The following B3GAT1 variants were observed in gnomAD, a reference collection of about 807,000 sequenced individuals.
B3GAT1 encodes the protein beta-1,3-glucuronyltransferase 1.
B3GAT1 carries 11 observed loss-of-function variants against 28.4 expected under a neutral mutation model. That is an observed-to-expected ratio of 0.39 (90% CI 0.24 to 0.64). The LOEUF is 0.64. Among genes scored for constraint, B3GAT1 ranks in the 30% least tolerant of loss-of-function variants. B3GAT1 has a pLI of 0.50. For missense variants in B3GAT1, 375 were observed against 491.0 expected (o/e 0.76, Z 2.23); for synonymous variants, 255 against 223.1 (o/e 1.14, Z -1.27).
At position 134,411,343 on chromosome 11, in the gene B3GAT1, G is replaced by A. The variant is rs1049693352; in HGVS notation, c.-282+464C>T. Among the ~76,000 whole-genome samples the A allele has an allele frequency of 6.6e-6, 1 of 152,052 alleles. No homozygotes were observed. Among genetic ancestry groups the A allele is most frequent in the African/African-American group, 2.4e-5 (1 of 41,392 alleles). ...CCTCAGCGCGCCCCGCAGAGCTCGG[G>A]CCCCCTCAAGAGAGTTAACTTGGCA... On this transcript the variant is annotated intron_variant, in intron 1 of 5. Transcript: ENST00000312527. The surrounding 1 kb of genome is among the most constrained non-coding windows in gnomAD (Gnocchi z 6.0).
At chr11:134,396,960 C>G (rs1461539390) in intron 1 of B3GAT1, among the ~76,000 whole-genome samples, 2 of 152,218 alleles carry the variant, frequency 1.3e-5, no homozygotes, top group Non-Finnish European at 2.9e-5. Flanking sequence ...TGCTACACCT[C>G]TTGTTGTCTG....
intron 1 of B3GAT1, chr11:134,389,922 G>A (rs183748887): frequency 2.0e-5 from 3 of 152,028 alleles, no homozygotes; most frequent in Admixed American, 2.0e-4. Flanking sequence ...GTGGTTTCCC[G>A]GGACGGCCGG....
intron 1 of B3GAT1, among the ~76,000 whole-genome samples, chr11:134,401,298 T>C (rs1019255714): frequency 6.6e-5 from 10 of 152,244 alleles, no homozygotes; most frequent in African/African-American, 2.4e-4. Flanking sequence ...ATCGCAGCAC[T>C]ATTCATAACA....
At position 134,411,670 on chromosome 11, in the gene B3GAT1, GCA is replaced by G. The variant is rs149891710; in HGVS notation, c.-282+135_-282+136del. 0.64 allele frequency: 93,141 copies of G among 144,532 alleles called. 31,086 individuals carry two copies. Among genetic ancestry groups the G allele is most frequent in the East Asian group, 0.76 (3,505 of 4,632 alleles). The allele number at this position is 144,532 out of a possible 1,614,324, so 9.0% of individuals were successfully genotyped here. A position where few individuals can be genotyped will look rare whatever the true frequency, so the allele number is the denominator to read the frequency against. On this transcript the variant is annotated intron_variant, in intron 1 of 5. Coordinates refer to ENST00000312527, the MANE Select transcript of B3GAT1 (RefSeq NM_054025.3). The surrounding 1 kb of genome is among the most constrained non-coding windows in gnomAD (Gnocchi z 6.0). Reference sequence around the variant, plus strand: ...TCCAGCTGCCCCCAGCGCGCGCAGCGCACACACACACACACACACACACACAC... The same window carrying G: ...TCCAGCTGCCCCCAGCGCGCGCAGCGCACACACACACACACACACACACAC...
At chr11:134,405,586 C>T (rs1001999650) in intron 1 of B3GAT1, among the ~76,000 whole-genome samples, 1 of 152,090 alleles carries the variant, frequency 6.6e-6, no homozygotes, top group African/African-American at 2.4e-5. Flanking sequence ...AGGTGAGGGG[C>T]CCTGGGAGTC....
intron 4 of B3GAT1, 121 bp downstream of exon 4, chr11:134,382,589 A>AG (rs1345232409): frequency 8.2e-7 from 1 of 1,212,984 alleles, no homozygotes; most frequent in Non-Finnish European, 1.1e-6. Context: ...CCTTCCTGGG[A>AG]GGGGGTTCCA....
At chr11:134,405,584 G>A (rs1944716241) in intron 1 of B3GAT1, among the ~76,000 whole-genome samples, 1 of 152,094 alleles carries the variant, frequency 6.6e-6, no homozygotes, top group African/African-American at 2.4e-5. Flanking sequence ...GGAGGTGAGG[G>A]GCCCTGGGAG....
chr11:134,397,794 C>A (rs902339363), intron 1 of B3GAT1, among the ~76,000 whole-genome samples: 2 of 152,240 alleles, frequency 1.3e-5, no homozygotes, highest in African/African-American at 4.8e-5. Flanking sequence ...CCATGCCCTG[C>A]CTGCTCCTCT....
chr11:134,397,938 C>T (rs144531187), intron 1 of B3GAT1, among the ~76,000 whole-genome samples: 112 of 152,312 alleles, frequency 7.4e-4, no homozygotes, highest in African/African-American at 2.5e-3. Context: ...CCAGCACTCT[C>T]TTGAGGCTGA....
chr11:134,402,410 C>T (rs1944635242), intron 1 of B3GAT1, among the ~76,000 whole-genome samples: 1 of 152,084 alleles, frequency 6.6e-6, no homozygotes, highest in Admixed American at 6.5e-5. Flanking sequence ...GTCCATGGGG[C>T]TCTAGGGCCA....
intron 1 of B3GAT1, among the ~76,000 whole-genome samples, chr11:134,401,980 C>CG (rs68036637): frequency 2.3e-4 from 12 of 51,492 alleles, no homozygotes; most frequent in African/African-American, 6.4e-4. Flanking sequence ...CGGGGGGGGG[C>CG]GGGCAGCCTG....
At chr11:134,385,996 T>C (rs556736689) in intron 2 of B3GAT1, 73 of 152,328 alleles carry the variant, frequency 4.8e-4, no homozygotes, top group African/African-American at 1.5e-3. Context: ...TGTCGCTTTA[T>C]ATATAGTAGT....
Position 134,387,816 on chromosome 11 carries a change from G to C in B3GAT1, c.-157C>G. 6.5e-7 allele frequency: 1 copy of C among 1,534,700 alleles called. No individual in the cohort carries two copies. Among genetic ancestry groups the C allele is most frequent in the Non-Finnish European group, 8.7e-7 (1 of 1,145,588 alleles). On this transcript the variant is annotated 5_prime_UTR_variant, in exon 2 of 6. Coordinates refer to ENST00000312527, the MANE Select transcript of B3GAT1 (RefSeq NM_054025.3). ...GGACAGAGCAGCTGAATGTTGGCTAGCAGGTCTTACCAGCACTCACAACCC... is the reference window on the plus strand; with the variant it reads ...GGACAGAGCAGCTGAATGTTGGCTACCAGGTCTTACCAGCACTCACAACCC...
In B3GAT1 at chr11:134,383,715, C is replaced by T; in HGVS notation, c.586G>A (p.Asp196Asn). 1.9e-6 allele frequency: 3 copies of T among 1,590,540 alleles called. No individual in the cohort carries two copies. Among genetic ancestry groups the T allele is most frequent in the Non-Finnish European group, 2.6e-6 (3 of 1,164,764 alleles). Reference protein sequence around the residue: ...SQPGVVYFADDDNTYSLELFE... With the variant: ...SQPGVVYFADNDNTYSLELFE... Reference sequence around the variant, plus strand: ...AGCTCCAGGCTGTAGGTGTTGTCGTCGTCGGCGAAGTAGACCACGCCAGGC... The same window carrying T: ...AGCTCCAGGCTGTAGGTGTTGTCGTTGTCGGCGAAGTAGACCACGCCAGGC... Residue 196 changes from aspartate (D) to asparagine (N), a missense_variant, in exon 3 of 6, where the codon GAC becomes AAC. Transcript: ENST00000312527.
intron 1 of B3GAT1, among the ~76,000 whole-genome samples, chr11:134,407,496 G>A (rs1299705936): frequency 6.6e-6 from 1 of 152,222 alleles, no homozygotes; most frequent in Non-Finnish European, 1.5e-5. Context: ...TCAGAAGACT[G>A]AGCCGTGGAA....
At position 134,410,176 on chromosome 11, in the gene B3GAT1, G is replaced by T. The variant is rs113060998; in HGVS notation, c.-282+1631C>A. 5.8e-3 allele frequency among the ~76,000 whole-genome samples: 884 copies of T among 152,326 alleles called. 9 individuals carry two copies. Among genetic ancestry groups the T allele is most frequent in the African/African-American group, 0.02 (841 of 41,572 alleles). ...CGCCACGGGCTCCAATCCTGTTGCT[G>T]GAGCTTATCTCCTCAGTGATTTACC... On this transcript the variant is annotated intron_variant, in intron 1 of 5. Coordinates refer to ENST00000312527, the MANE Select transcript of B3GAT1 (RefSeq NM_054025.3).
At position 134,394,357 on chromosome 11, in the gene B3GAT1, G is replaced by A. The variant is rs1390718966; in HGVS notation, c.-281-6417C>T. 3.3e-5 allele frequency among the ~76,000 whole-genome samples: 5 copies of A among 152,308 alleles called. No individual in the cohort carries two copies. In the East Asian group the frequency reaches 9.7e-4, roughly 29 times the overall value. On this transcript the variant is annotated intron_variant, in intron 1 of 5. Coordinates refer to ENST00000312527, the MANE Select transcript of B3GAT1 (RefSeq NM_054025.3). ...CAAAGCTCAGAGAACCTGAGTGATCGGCCTAAGGTCACTGCGTTAGGTGTC... is the reference window on the plus strand; with the variant it reads ...CAAAGCTCAGAGAACCTGAGTGATCAGCCTAAGGTCACTGCGTTAGGTGTC...
chr11:134,410,218 TG>T (rs1234417929), intron 1 of B3GAT1, among the ~76,000 whole-genome samples: 1 of 152,210 alleles, frequency 6.6e-6, no homozygotes, highest in Non-Finnish European at 1.5e-5. Context: ...CTGCTTCTGG[TG>T]GAACAGTGAG....
At chr11:134,390,903 T>C (rs1227997662) in intron 1 of B3GAT1, 2 of 152,274 alleles carry the variant, frequency 1.3e-5, no homozygotes, top group Admixed American at 1.3e-4. Flanking sequence ...AAATGCTTCC[T>C]CTGGCCTGGA....
Sources: allele counts gnomAD v4.1 joint callset (sites outside exome capture counted in the v4.1 genomes callset), GRCh38; gene constraint gnomAD v4.1.1; non-coding constraint Gnocchi (gnomAD v3.1); transcripts MANE v1.5; gene names NCBI Gene and HGNC (gene_info 2026-07-23, HGNC 2026-07-21).